THSD7A: variants seen among roughly 807,000 people sequenced by gnomAD.
The protein encoded by THSD7A is thrombospondin type-1 domain-containing protein 7A.
Under a neutral mutation model 231.3 loss-of-function variants are expected in THSD7A, and 96 were observed. The observed-to-expected ratio is 0.41, with a 90% CI of 0.35 to 0.49. The LOEUF is 0.49. Ranked by LOEUF, THSD7A falls within the 20% of genes least tolerant of loss-of-function variation. The pLI is 0.05. For synonymous variants in THSD7A, 940 were observed against 743.3 expected, an observed-to-expected ratio of 1.26 and a Z score of -4.30; for missense variants, 2,290 against 2,070.2, an observed-to-expected ratio of 1.11 and a Z score of -2.06.
chr7:11,808,378 C>T (rs1420696904), intron 1 of THSD7A, among the ~76,000 whole-genome samples: 1 of 152,140 alleles, frequency 6.6e-6, no homozygotes, highest in Non-Finnish European at 1.5e-5. Flanking sequence ...GCATCCCTCA[C>T]CTTCAGAGAG....
chr7:11,662,159 C>T (rs1476724504), intron 1 of THSD7A, among the ~76,000 whole-genome samples: 1 of 151,064 alleles, frequency 6.6e-6, no homozygotes, highest in Non-Finnish European at 1.5e-5. Context: ...ATGAATATCC[C>T]AGGTGGTCAG....
rs1407941784 is a variant in THSD7A at position 11,406,891 on chromosome 7, ACTT to A, written c.4062+16_4062+18del. ...CAGATAGAGTACACACTTCCTGACA[ACTT>A]CTTGAGATTTGATACCTGCACTTGG... is the stretch of plus-strand genomic sequence containing the variant. On this transcript the variant is annotated intron_variant, in intron 21 of 27. Transcript: ENST00000423059. This position sits in a 1 kb window ranked among gnomAD's most constrained non-coding sequence, Gnocchi z 4.7. The A allele has an allele frequency of 6.2e-7, 1 of 1,613,254 alleles. No homozygotes were observed. Among genetic ancestry groups the A allele is most frequent in the African/African-American group, 1.3e-5 (1 of 74,886 alleles).
At chr7:11,677,582 AGC>A (rs1562467896) in intron 1 of THSD7A, among the ~76,000 whole-genome samples, 11 of 106,936 alleles carry the variant, frequency 1.0e-4, no homozygotes, top group African/African-American at 3.4e-4. Context: ...GCAAATGGAA[AGC>A]AAAAAAAAAA....
intron 16 of THSD7A, among the ~76,000 whole-genome samples, chr7:11,422,649 C>G (rs1458435708): frequency 6.9e-6 from 1 of 145,116 alleles, no homozygotes; most frequent in African/African-American, 2.6e-5. Context: ...GAAGGGAAAG[C>G]TGAAAAAACA....
chr7:11,505,082 G>C (rs1042931969), intron 6 of THSD7A, among the ~76,000 whole-genome samples: 2 of 152,134 alleles, frequency 1.3e-5, no homozygotes, highest in Non-Finnish European at 2.9e-5. Flanking sequence ...TCGGTAGGAA[G>C]TTAAGCAGAT....
intron 4 of THSD7A, among the ~76,000 whole-genome samples, chr7:11,556,623 G>C (rs1314560607): frequency 1.3e-5 from 2 of 151,712 alleles, no homozygotes; most frequent in African/African-American, 4.8e-5. Context: ...TTTATTTAGT[G>C]AACTTTCTTT....
chr7:11,373,950 C>T lies in THSD7A; in HGVS notation c.*1844G>A, dbSNP rs1030813329. On this transcript the variant is annotated 3_prime_UTR_variant, in exon 28 of 28. Coordinates refer to ENST00000423059, the MANE Select transcript of THSD7A (RefSeq NM_015204.3). ...ACCTTTTGAGTTTTCTTTTCATTTG[C>T]AAGAAGTCTGCTGAGTTAGTTAAAT... is the stretch of plus-strand genomic sequence containing the variant. The T allele has an allele frequency of 6.6e-6, 1 of 151,490 alleles. No homozygotes were observed. Among genetic ancestry groups the T allele is most frequent in the African/African-American group, 2.4e-5 (1 of 41,172 alleles). 9.4% of individuals were successfully genotyped at this position (151,490 alleles called of 1,614,324 possible).
intron 1 of THSD7A, among the ~76,000 whole-genome samples, chr7:11,732,103 G>A (rs1018306510): frequency 1.3e-5 from 2 of 151,652 alleles, no homozygotes; most frequent in African/African-American, 4.8e-5. Context: ...TCCTTACTGT[G>A]TAGATATAAT....
At chr7:11,824,828 A>G (rs1410949767) in intron 1 of THSD7A, among the ~76,000 whole-genome samples, 1 of 152,178 alleles carries the variant, frequency 6.6e-6, no homozygotes, top group Non-Finnish European at 1.5e-5. Context: ...CAGTGACAGC[A>G]TTTAATTGAG....
intron 19 of THSD7A, chr7:11,410,600 G>GTTTC: frequency 6.6e-6 from 1 of 152,290 alleles, no homozygotes; most frequent in Non-Finnish European, 1.5e-5. Context: ...GGACAAATAC[G>GTTTC]TTTCTTCACA....
intron 1 of THSD7A, among the ~76,000 whole-genome samples, chr7:11,642,191 A>G (rs1782110460): frequency 2.0e-5 from 3 of 152,196 alleles, no homozygotes; most frequent in Admixed American, 1.3e-4. Context: ...TTCTGTGTAA[A>G]TGTTAAAATT....
chr7:11,551,870 T>C (rs1789642834), intron 4 of THSD7A, among the ~76,000 whole-genome samples: 1 of 152,000 alleles, frequency 6.6e-6, no homozygotes. Context: ...AATACATCAG[T>C]TTACCATAAA....
intron 26 of THSD7A, chr7:11,378,094 A>G (rs911669475): frequency 6.6e-6 from 1 of 152,284 alleles, no homozygotes; most frequent in African/African-American, 2.4e-5. Flanking sequence ...CACTTAAAAT[A>G]TCTTAAAAAT....
intron 1 of THSD7A, among the ~76,000 whole-genome samples, chr7:11,812,399 A>T (rs531817334): frequency 8.5e-5 from 13 of 152,306 alleles, no homozygotes; most frequent in African/African-American, 3.1e-4. Context: ...AATAAGATAC[A>T]TTGCATCATG....
Position 11,804,790 on chromosome 7 carries a change from C to T in THSD7A, c.190+26967G>A, listed in dbSNP as rs1784358551. Among the ~76,000 whole-genome samples the T allele has an allele frequency of 2.6e-5, 4 of 152,250 alleles. 1 individual carries two copies. In the South Asian group the frequency reaches 8.3e-4, roughly 32 times the overall value. On this transcript the variant is annotated intron_variant, in intron 1 of 27. Coordinates refer to ENST00000423059, the MANE Select transcript of THSD7A (RefSeq NM_015204.3). ...CTTCCATTGTTTGCTTAATGAGTTG[C>T]TTGGTACTGTTCAGTCCTCACATCT...
intron 1 of THSD7A, among the ~76,000 whole-genome samples, chr7:11,809,431 A>T (rs1262006722): frequency 1.3e-5 from 2 of 152,060 alleles, no homozygotes; most frequent in African/African-American, 4.8e-5. Context: ...TCTATCAGGC[A>T]CTTCAAAGAT....
In THSD7A at chr7:11,379,215, T is replaced by C. The variant is rs1782408651; in HGVS notation, c.4656A>G (p.Gln1552=). 6 of 1,613,660 alleles carry C rather than the reference T, an allele frequency of 3.7e-6. No homozygotes were observed. Among genetic ancestry groups the C allele is most frequent in the Non-Finnish European group, 5.1e-6 (6 of 1,179,654 alleles). ...ATACCACCACGGGGATAAGTGTGCATTGCTCAAGGGTGCTGTTAGAAGACA... is the reference window on the plus strand; with the variant it reads ...ATACCACCACGGGGATAAGTGTGCACTGCTCAAGGGTGCTGTTAGAAGACA... ...EVMSSNSTLE[Q]CTLIPVVVLP... The change falls in exon 26 of 28, where the codon CAA becomes CAG. Residue 1552 remains glutamine (Q), a synonymous_variant. Transcript: ENST00000423059.
intron 1 of THSD7A, among the ~76,000 whole-genome samples, chr7:11,796,224 T>G (rs5018924): frequency 2.7e-5 from 4 of 150,070 alleles, no homozygotes; most frequent in African/African-American, 9.7e-5. Flanking sequence ...TGTATATAAT[T>G]CTAGACCCTT....
intron 17 of THSD7A, among the ~76,000 whole-genome samples, chr7:11,414,240 G>A (rs1783885266): frequency 1.3e-5 from 2 of 152,172 alleles, no homozygotes; most frequent in Admixed American, 1.3e-4. Context: ...GTCCATGGAG[G>A]ATGTACAGTA....
Sources: allele counts gnomAD v4.1 joint callset (sites outside exome capture counted in the v4.1 genomes callset), GRCh38; gene constraint gnomAD v4.1.1; non-coding constraint Gnocchi (gnomAD v3.1); transcripts MANE v1.5; gene names NCBI Gene and HGNC (gene_info 2026-07-23, HGNC 2026-07-21).